Variants in USP7 observed in about 807,000 individuals in gnomAD.
USP7 encodes the protein ubiquitin specific peptidase 7.
In USP7, 9 loss-of-function variants were observed where a neutral mutation model predicts 162.9. The observed-to-expected ratio is 0.06, with a 90% CI of 0.03 to 0.10. The LOEUF (loss-of-function observed/expected upper bound fraction) is 0.10, where lower values mean the gene tolerates loss of function less well. Ranked by LOEUF, USP7 falls within the 10% of genes least tolerant of loss-of-function variation. The pLI is 1.00. For missense variants in USP7, 715 were observed against 1,373.7 expected, an observed-to-expected ratio of 0.52 and a Z score of 7.58; for synonymous variants, 562 against 475.9, an observed-to-expected ratio of 1.18 and a Z score of -2.35.
chr16:8,905,971 T>G (rs924426318), intron 13 of USP7, among the ~76,000 whole-genome samples: 1 of 152,110 alleles, frequency 6.6e-6, no homozygotes, highest in Non-Finnish European at 1.5e-5. Flanking sequence ...TGGGGGTAGA[T>G]TCCAAGACCC....
chr16:8,913,551 G>C (rs1202416605), intron 10 of USP7, among the ~76,000 whole-genome samples: 3 of 151,826 alleles, frequency 2.0e-5, no homozygotes, highest in African/African-American at 7.3e-5. Context: ...CAACCTAGAA[G>C]TCTACACCGA....
intron 3 of USP7, among the ~76,000 whole-genome samples, chr16:8,922,698 T>G (rs1596381243): frequency 6.6e-6 from 1 of 152,250 alleles, no homozygotes; most frequent in East Asian, 1.9e-4. Context: ...AAAGGGTGAA[T>G]TAATTTTCTA....
chr16:8,895,296 T>C (rs572840700), intron 27 of USP7, 146 bp from the exon 28 acceptor site: 47 of 1,257,924 alleles, frequency 3.7e-5, no homozygotes, highest in Non-Finnish European at 4.6e-5. Context: ...GCCAGAGTGA[T>C]GGGCACTCAT....
At chr16:8,959,556 G>C (rs969151569) in intron 1 of USP7, among the ~76,000 whole-genome samples, 1 of 152,076 alleles carries the variant, frequency 6.6e-6, no homozygotes, top group Non-Finnish European at 1.5e-5. Flanking sequence ...CTCTCTACTG[G>C]GTTCTCTGAG....
chr16:8,951,547 C>T (rs952683294), intron 1 of USP7, among the ~76,000 whole-genome samples: 1 of 152,126 alleles, frequency 6.6e-6, no homozygotes, highest in Non-Finnish European at 1.5e-5. Context: ...CCTATTTGCT[C>T]ATCTGTAAAT....
rs1174494552 is a variant in USP7 at position 8,906,572 on chromosome 16, G to A, written c.1282C>T (p.Pro428Ser). Residue 428 changes from proline (P) to serine (S), a missense_variant, in exon 13 of 31, where the codon CCA (proline) becomes TCA (serine). Around this residue, in one of 11 missense-constraint regions of USP7, gnomAD observed 31 missense variants for 135.9 expected, o/e 0.23. Coordinates refer to ENST00000344836, the MANE Select transcript of USP7 (RefSeq NM_003470.3). ...AATTCATCAAGTGGTAACTGCTCTG[G>A]GAATTCAAACCTATTAGAAAACATT... Reference protein sequence around the residue: ...NIKINDRFEFPEQLPLDEFLQ... With the variant: ...NIKINDRFEFSEQLPLDEFLQ... 1 of 1,611,860 alleles carries A rather than the reference G, an allele frequency of 6.2e-7. No homozygotes were observed. The highest frequency in any genetic ancestry group is 1.7e-5 in the Admixed American group (1 of 59,532).
At chr16:8,903,748 T>C (rs2061814797) in intron 15 of USP7, among the ~76,000 whole-genome samples, 1 of 151,330 alleles carries the variant, frequency 6.6e-6, no homozygotes, top group Non-Finnish European at 1.5e-5. Context: ...ATGCCTGTAA[T>C]CCCAGCTACT....
chr16:8,922,426 T>A (rs183914747), intron 3 of USP7, among the ~76,000 whole-genome samples: 84 of 152,292 alleles, frequency 5.5e-4, no homozygotes, highest in African/African-American at 1.7e-3. Flanking sequence ...AGGTGGAGGT[T>A]GTGGTGAGCC....
Position 8,936,807 on chromosome 16 carries a change from C to A in USP7, c.80-6410G>T, listed in dbSNP as rs987539716. ...CAATTTAGATAAGGCAGTCCAGGAA[C>A]AGAAGAGGATATTAATGGAAAAACT... On this transcript the variant is annotated intron_variant, in intron 1 of 30. Coordinates refer to ENST00000344836, the MANE Select transcript of USP7 (RefSeq NM_003470.3). 154 of 1,220,992 alleles carry A rather than the reference C, an allele frequency of 1.3e-4. 1 individual carries two copies. The highest frequency in any genetic ancestry group is 1.6e-4 in the Non-Finnish European group (151 of 964,732). The allele number at this position is 1,220,992 out of a possible 1,614,324, so 75.6% of individuals were successfully genotyped here.
intron 30 of USP7, 65 bp downstream of exon 30, chr16:8,894,485 G>C: frequency 6.4e-7 from 1 of 1,552,158 alleles, no homozygotes; most frequent in East Asian, 2.3e-5. Flanking sequence ...GCCCCTCCCA[G>C]CCCCAGACCA....
rs755749063 is a variant in USP7 at position 8,904,429 on chromosome 16, G to A, written c.1704+6C>T. 6.8e-6 allele frequency: 11 copies of A among 1,612,970 alleles called. No individual in the cohort carries two copies. Among genetic ancestry groups the A allele is most frequent in the Admixed American group, 6.7e-5 (4 of 59,954 alleles). On this transcript the variant is annotated splice_donor_region_variant and intron_variant, in intron 15 of 30. Transcript: ENST00000344836. ...GACCCGGAGTCCCAGAAGGGCGGGG[G>A]CTGACCTGCACTTGCATATAGAGAT...
intron 12 of USP7, among the ~76,000 whole-genome samples, chr16:8,907,003 T>A (rs1045123551): frequency 2.6e-5 from 4 of 152,276 alleles, no homozygotes; most frequent in Non-Finnish European, 5.9e-5. Flanking sequence ...TTGATTTACT[T>A]GACCAAATTT....
chr16:8,900,416 AAAAC>A (rs1406111891), intron 21 of USP7, 110 bp downstream of exon 21: 1 of 707,856 alleles, frequency 1.4e-6, no homozygotes, highest in Non-Finnish European at 2.2e-6. Context: ...TACATTAAAA[AAAAC>A]AAAAACAAAA....
Position 8,963,566 on chromosome 16 carries a change from G to GGCC in USP7, c.-284_-282dup, listed in dbSNP as rs1259610585. 0.91 allele frequency: 120,695 copies of GGCC among 133,224 alleles called. 54,811 individuals carry two copies. The highest frequency in any genetic ancestry group is 0.99 in the East Asian group (3,912 of 3,938). 8.3% of individuals were successfully genotyped at this position (133,224 alleles called of 1,614,324 possible). On this transcript the variant is annotated 5_prime_UTR_variant, in exon 1 of 31. Transcript: ENST00000344836. ...GCCGGGCGGCCTCGTCGCTCGCTGCGGCCGCCGCCGCCGCCGCCGCGGGGC... is the reference window on the plus strand; with the variant it reads ...GCCGGGCGGCCTCGTCGCTCGCTGCGGCCGCCGCCGCCGCCGCCGCCGCGGGGC...
intron 1 of USP7, among the ~76,000 whole-genome samples, chr16:8,959,274 C>T (rs1264875996): frequency 6.6e-6 from 1 of 151,676 alleles, no homozygotes; most frequent in Non-Finnish European, 1.5e-5. Context: ...GGCTCTAAAT[C>T]TAGACTGCCT....
rs538914038 is a variant in USP7 at position 8,936,677 on chromosome 16, G to A, written c.80-6280C>T. 6.5e-6 allele frequency: 10 copies of A among 1,529,254 alleles called. No individual in the cohort carries two copies. In the East Asian group the frequency reaches 2.2e-4, roughly 33 times the overall value. The allele number at this position is 1,529,254 out of a possible 1,614,324, so 94.7% of individuals were successfully genotyped here. A position where few individuals can be genotyped will look rare whatever the true frequency, so the allele number is the denominator to read the frequency against. On this transcript the variant is annotated intron_variant, in intron 1 of 30. Transcript: ENST00000344836. ...GGGAGGTTCTCTCACCCACATCAGA[G>A]TGACTGCATAGAATCTCTAGGAGCT... is the stretch of plus-strand genomic sequence containing the variant.
chr16:8,940,846 A>G (rs1174915000), intron 1 of USP7, among the ~76,000 whole-genome samples: 1 of 152,214 alleles, frequency 6.6e-6, no homozygotes, highest in Non-Finnish European at 1.5e-5. Context: ...TGGGAGGCTG[A>G]GGCAGGAGAA....
chr16:8,946,338 T>C (rs1357018904), intron 1 of USP7, among the ~76,000 whole-genome samples: 2 of 152,118 alleles, frequency 1.3e-5, no homozygotes, highest in Non-Finnish European at 2.9e-5. Flanking sequence ...CCCAGCACTT[T>C]GAGAGGCTGA....
chr16:8,920,530 A>G, intron 4 of USP7, 83 bp from the exon 5 acceptor site: 1 of 1,059,644 alleles, frequency 9.4e-7, no homozygotes, highest in Non-Finnish European at 1.4e-6. Flanking sequence ...AGTGCCCTGT[A>G]CTTAATAGAG....
Sources: gnomAD v4.1 joint callset for allele counts (sites outside exome capture counted in the v4.1 genomes callset) on GRCh38, gnomAD v4.1.1 for gene constraint, gnomAD v4.1.1 regional missense constraint, MANE v1.5 for transcripts, NCBI Gene and HGNC (gene_info 2026-07-23, HGNC 2026-07-21) for gene names.